Variants in CCDC91 observed in about 807,000 individuals in gnomAD.
The protein encoded by CCDC91 is coiled-coil domain-containing protein 91.
A neutral mutation model predicts 63.2 loss-of-function variants in CCDC91; 48 were observed. That is an observed-to-expected ratio of 0.76 (90% CI 0.60 to 0.97). The LOEUF is 0.97. CCDC91 is among the 50% of genes least tolerant of loss of function. CCDC91 has a pLI of 0.00. For missense variants in CCDC91, 500 were observed against 494.6 expected (o/e 1.01, Z -0.10); for synonymous variants, 167 against 165.8 (o/e 1.01, Z -0.06).
chr12:28,448,386 T>A (rs1949640761), intron 8 of CCDC91, among the ~76,000 whole-genome samples: 1 of 152,206 alleles, frequency 6.6e-6, no homozygotes, highest in African/African-American at 2.4e-5. Flanking sequence ...TCTGTGATTT[T>A]ACTTAGGATA....
At chr12:28,298,915 T>C (rs1306100942) in intron 3 of CCDC91, among the ~76,000 whole-genome samples, 1 of 151,622 alleles carries the variant, frequency 6.6e-6, no homozygotes, top group Non-Finnish European at 1.5e-5. Context: ...CATATATCTG[T>C]AGTTTCTTTA....
chr12:28,503,550 A>G lies in CCDC91; in HGVS notation c.1215+19385A>G, dbSNP rs577585842. ...GGCGATTCCTCAGGGATCTAGAACT[A>G]GAATTACCATTTGACCCAGCAATCC... is the stretch of plus-strand genomic sequence containing the variant. On this transcript the variant is annotated intron_variant, in intron 12 of 12. Transcript: ENST00000536442. Among the ~76,000 whole-genome samples the G allele has an allele frequency of 1.2e-4, 18 of 152,278 alleles. No individual in the cohort carries two copies. The South Asian group carries it at 3.1e-3, about 26-fold the overall frequency.
At chr12:28,269,336 C>T (rs1314428583) in intron 3 of CCDC91, among the ~76,000 whole-genome samples, 1 of 151,942 alleles carries the variant, frequency 6.6e-6, no homozygotes, top group Non-Finnish European at 1.5e-5. Flanking sequence ...ATCTTCCAAC[C>T]CCTTTTTGTG....
intron 3 of CCDC91, among the ~76,000 whole-genome samples, chr12:28,298,741 C>CAA (rs773408658): frequency 2.1e-5 from 3 of 142,006 alleles, no homozygotes; most frequent in Non-Finnish European, 3.2e-5. Flanking sequence ...AAAAAAACAA[C>CAA]AACAACAACA....
intron 1 of CCDC91, among the ~76,000 whole-genome samples, chr12:28,251,981 TAAA>T (rs2136104736): frequency 6.6e-6 from 1 of 152,278 alleles, no homozygotes; most frequent in East Asian, 1.9e-4. Flanking sequence ...AAGTGTGCAA[TAAA>T]AATTGTTTTG....
At chr12:28,300,465 T>C (rs1178852557) in intron 3 of CCDC91, among the ~76,000 whole-genome samples, 1 of 151,418 alleles carries the variant, frequency 6.6e-6, no homozygotes, top group Non-Finnish European at 1.5e-5. Flanking sequence ...ATCTTATTTA[T>C]AGAGATTGTA....
intron 8 of CCDC91, among the ~76,000 whole-genome samples, 198 bp downstream of exon 8, chr12:28,391,609 C>T (rs1592528266): frequency 6.6e-6 from 1 of 152,016 alleles, no homozygotes; most frequent in South Asian, 2.1e-4. Flanking sequence ...TGTGGGTCTC[C>T]CCCACATTAA....
chr12:28,242,295 C>A (rs544772520), intron 1 of CCDC91, among the ~76,000 whole-genome samples: 1 of 152,242 alleles, frequency 6.6e-6, no homozygotes, highest in East Asian at 1.9e-4. Context: ...AACAAAGAAG[C>A]TTGTTTATAC....
chr12:28,226,598 T>C (rs1944286863), intron 1 of CCDC91, among the ~76,000 whole-genome samples: 1 of 152,206 alleles, frequency 6.6e-6, no homozygotes, highest in Non-Finnish European at 1.5e-5. Context: ...GACAATAATA[T>C]AGAGAGTTCT....
At chr12:28,494,321 C>T (rs1377292735) in intron 12 of CCDC91, among the ~76,000 whole-genome samples, 3 of 151,644 alleles carry the variant, frequency 2.0e-5, no homozygotes, top group Non-Finnish European at 4.4e-5. Flanking sequence ...CAGGTCACTT[C>T]GTAAATAGGT....
At chr12:28,260,464 G>A (rs765573590) in intron 3 of CCDC91, among the ~76,000 whole-genome samples, 15 of 151,944 alleles carry the variant, frequency 9.9e-5, no homozygotes, top group Non-Finnish European at 1.9e-4. Flanking sequence ...TGAGGGCTGT[G>A]TGTTATTTCC....
chr12:28,370,839 G>A (rs918697369), intron 7 of CCDC91, among the ~76,000 whole-genome samples: 8 of 151,280 alleles, frequency 5.3e-5, no homozygotes, highest in South Asian at 2.1e-4. Flanking sequence ...GAGAGAGAGC[G>A]AAGTGGGAAG....
At chr12:28,266,087 G>C (rs1266944223) in intron 3 of CCDC91, among the ~76,000 whole-genome samples, 1 of 151,888 alleles carries the variant, frequency 6.6e-6, no homozygotes. Context: ...TAAAAATGAC[G>C]CCTAAAATGA....
chr12:28,337,286 G>C (rs554898562), intron 6 of CCDC91, among the ~76,000 whole-genome samples: 9 of 151,970 alleles, frequency 5.9e-5, no homozygotes, highest in Non-Finnish European at 1.2e-4. Flanking sequence ...TTTCGTTAAT[G>C]AATAATTTGA....
chr12:28,482,492 G>A (rs1951500577), intron 11 of CCDC91, among the ~76,000 whole-genome samples: 1 of 151,930 alleles, frequency 6.6e-6, no homozygotes, highest in South Asian at 2.1e-4. Flanking sequence ...CAATATTAAA[G>A]TGATAGATGA....
chr12:28,530,459 C>T (rs1941640707), intron 12 of CCDC91, among the ~76,000 whole-genome samples: 1 of 152,218 alleles, frequency 6.6e-6, no homozygotes, highest in African/African-American at 2.4e-5. Context: ...CAGAGACAAG[C>T]TGTCCCAGCA....
At chr12:28,419,809 T>A (rs1251057963) in intron 8 of CCDC91, among the ~76,000 whole-genome samples, 2 of 151,608 alleles carry the variant, frequency 1.3e-5, no homozygotes, top group African/African-American at 4.8e-5. Context: ...CATGCTGGAG[T>A]ACATTTGTGT....
rs569881566 is a variant in CCDC91 at position 28,354,541 on chromosome 12, C to T, written c.577-7897C>T. ...ATAATTCAACCCACTACAAGTACCA[C>T]TTTTAGTATATTTAAATATATGAAG... On this transcript the variant is annotated intron_variant, in intron 6 of 12. Transcript: ENST00000536442. Among the ~76,000 whole-genome samples the T allele has an allele frequency of 1.4e-4, 21 of 152,254 alleles. No individual in the cohort carries two copies. In the South Asian group the frequency reaches 3.5e-3, roughly 26 times the overall value.
intron 8 of CCDC91, among the ~76,000 whole-genome samples, chr12:28,417,074 T>G (rs1259968164): frequency 6.6e-6 from 1 of 152,126 alleles, no homozygotes; most frequent in Non-Finnish European, 1.5e-5. Context: ...GTTCAGTCCA[T>G]TGAATAATGG....
Sources: allele counts gnomAD v4.1 joint callset (sites outside exome capture counted in the v4.1 genomes callset), GRCh38; gene constraint gnomAD v4.1.1; transcripts MANE v1.5; gene names NCBI Gene and HGNC (gene_info 2026-07-23, HGNC 2026-07-21).